Variants in ZNF616 observed in about 807,000 individuals in gnomAD.
ZNF616 encodes the protein zinc finger protein 616.
ZNF616 carries 5 observed loss-of-function variants against 7.6 expected under a neutral mutation model. That is an observed-to-expected ratio of 0.66 (90% CI 0.34 to 1.38). The LOEUF is 1.38. Among genes scored for constraint, ZNF616 ranks in the 40% most tolerant of loss-of-function variants. The probability of loss-of-function intolerance (pLI) is 0.04; values close to 1 mark genes in which losing one functional copy is unlikely to be tolerated. For synonymous variants in ZNF616, 319 were observed against 317.2 expected (o/e 1.01, Z -0.06); for missense variants, 913 against 948.3 (o/e 0.96, Z 0.49).
chr19:52,130,218 G>A (rs1856212332), intron 2 of ZNF616, among the ~76,000 whole-genome samples: 1 of 152,056 alleles, frequency 6.6e-6, no homozygotes, highest in Non-Finnish European at 1.5e-5. Context: ...TGATACCACG[G>A]GACCCTCACC....
intron 2 of ZNF616, among the ~76,000 whole-genome samples, 194 bp from the exon 3 acceptor site, chr19:52,124,243 G>A (rs1450880619): frequency 6.6e-6 from 1 of 152,160 alleles, no homozygotes; most frequent in African/African-American, 2.4e-5. Context: ...CTCTACATCA[G>A]TGTATAGTTC....
chr19:52,119,226 A>C (rs1164723990), intron 3 of ZNF616, among the ~76,000 whole-genome samples: 1 of 152,076 alleles, frequency 6.6e-6, no homozygotes, highest in East Asian at 1.9e-4. Flanking sequence ...AAAATACAAA[A>C]ATTAGCTGGG....
At position 52,115,377 on chromosome 19, in the gene ZNF616, C is replaced by A. The variant is rs765934151; in HGVS notation, c.1787G>T (p.Arg596Leu). 1 of 1,614,038 alleles carries A rather than the reference C, an allele frequency of 6.2e-7. No homozygotes were observed. Among genetic ancestry groups the A allele is most frequent in the Non-Finnish European group, 8.5e-7 (1 of 1,179,988 alleles). The change falls in exon 4 of 4, where the codon CGA (arginine) becomes CTA (leucine). Residue 596 changes from arginine (R) to leucine (L), a missense_variant. By Grantham distance (102) the Arg-to-Leu change is moderately radical (BLOSUM62 -2). Transcript: ENST00000600228. ...YSQYSHLVGH[R>L]RVHTGEKPYK... The stretch of plus-strand genomic sequence containing the variant: ...TGGTTTCTCTCCAGTATGAACTCTT[C>A]GATGCCCTACAAGATGTGAATACTG...
intron 2 of ZNF616, among the ~76,000 whole-genome samples, chr19:52,126,725 T>A (rs966619059): frequency 9.2e-5 from 14 of 151,950 alleles, no homozygotes; most frequent in Admixed American, 4.6e-4. Context: ...GTCGAGATCA[T>A]GCCACTGCAC....
In ZNF616 at chr19:52,113,456, T is replaced by C. The variant is rs2088788415; in HGVS notation, c.*1362A>G. ...AACTGCAAAGGCGTGGACATTGGTT[T>C]TGTCTCACTTTAAGTTCTGGGTACA... On this transcript the variant is annotated 3_prime_UTR_variant, in exon 4 of 4. Coordinates refer to ENST00000600228, the MANE Select transcript of ZNF616 (RefSeq NM_178523.5). 6.6e-6 allele frequency: 1 copy of C among 152,238 alleles called. No homozygotes were observed. The highest frequency in any genetic ancestry group is 2.4e-5 in the African/African-American group (1 of 41,462). 9.4% of individuals were successfully genotyped at this position (152,238 alleles called of 1,614,324 possible).
rs1388598099 is a variant in ZNF616 at position 52,115,617 on chromosome 19, G to A, written c.1547C>T (p.Thr516Ile). 6.2e-7 allele frequency: 1 copy of A among 1,613,540 alleles called. No individual in the cohort carries two copies. Among genetic ancestry groups the A allele is most frequent in the Admixed American group, 1.7e-5 (1 of 59,994 alleles). Reference protein sequence around the residue: ...SRLAVHRRIHTGEKPYKCKEC... With the variant: ...SRLAVHRRIHIGEKPYKCKEC... ...TTTGCATTTGTAAGGTTTCTCTCCA[G>A]TATGAATTCTCCGATGCACTGCAAG... Residue 516 changes from threonine to isoleucine, a missense_variant, in exon 4 of 4, where the codon ACT becomes ATT. Transcript: ENST00000600228.
At position 52,115,099 on chromosome 19, in the gene ZNF616, A is replaced by G; in HGVS notation, c.2065T>C (p.Tyr689His). ...HQIIHAGKKP[Y>H]KCDECGKVFR... ...ACCTTGCCACATTCATCACATTTAT[A>G]TGGTTTCTTTCCTGCATGAATTATC... The change falls in exon 4 of 4, where the codon TAT (tyrosine) becomes CAT (histidine). Residue 689 changes from tyrosine (Y) to histidine (H), a missense_variant. By Grantham distance (83) the Tyr-to-His change is moderately conservative (BLOSUM62 2). Transcript: ENST00000600228. The G allele has an allele frequency of 6.2e-7, 1 of 1,614,064 alleles. No homozygotes were observed. The highest frequency in any genetic ancestry group is 8.5e-7 in the Non-Finnish European group (1 of 1,180,002).
intron 3 of ZNF616, among the ~76,000 whole-genome samples, chr19:52,117,848 C>T (rs762993451): frequency 3.9e-5 from 6 of 152,110 alleles, no homozygotes; most frequent in Non-Finnish European, 8.8e-5. Flanking sequence ...AAGGTAAATA[C>T]ACAACATAAT....
At position 52,139,131 on chromosome 19, in the gene ZNF616, C is replaced by T. The variant is rs2089037343; in HGVS notation, c.-77+601G>A. On this transcript the variant is annotated intron_variant, in intron 1 of 3. Transcript: ENST00000600228. The surrounding 1 kb of genome is among the most constrained non-coding windows in gnomAD (Gnocchi z 4.1). ...ATTCTTTTCTCCCCAGTTTTTCTTT[C>T]TGTCCCGTCGCTCCCCCTCTTTTCC... 6.6e-6 allele frequency among the ~76,000 whole-genome samples: 1 copy of T among 152,150 alleles called. No homozygotes were observed. Among genetic ancestry groups the T allele is most frequent in the Non-Finnish European group, 1.5e-5 (1 of 68,030 alleles).
Position 52,124,911 on chromosome 19 carries a change from A to G in ZNF616, c.13-862T>C, listed in dbSNP as rs73937275. On this transcript the variant is annotated intron_variant, in intron 2 of 3. Coordinates refer to ENST00000600228, the MANE Select transcript of ZNF616 (RefSeq NM_178523.5). ...TGCTGTGTCCCCACGTGGCAGAAGG[A>G]ACAGAAGGGCCAAAAAGCAGTGAAC... is the stretch of plus-strand genomic sequence containing the variant. Among the ~76,000 whole-genome samples the G allele has an allele frequency of 9.3e-3, 1,415 of 152,182 alleles. 29 individuals carry two copies. The highest frequency in any genetic ancestry group is 0.032 in the African/African-American group (1,336 of 41,518).
chr19:52,128,486 T>G (rs996734752), intron 2 of ZNF616, among the ~76,000 whole-genome samples: 1 of 152,204 alleles, frequency 6.6e-6, no homozygotes, highest in Non-Finnish European at 1.5e-5. Context: ...CTCATGCCTG[T>G]AATCCCAGCA....
chr19:52,124,244 T>C (rs1568560533), intron 2 of ZNF616, among the ~76,000 whole-genome samples, 195 bp from the exon 3 acceptor site: 1 of 152,252 alleles, frequency 6.6e-6, no homozygotes, highest in Non-Finnish European at 1.5e-5. Context: ...TCTACATCAG[T>C]GTATAGTTCT....
intron 1 of ZNF616, among the ~76,000 whole-genome samples, chr19:52,137,053 G>GTATATATATATATATATATATATATATA (rs35226169): frequency 7.0e-5 from 10 of 143,738 alleles, no homozygotes; most frequent in African/African-American, 2.3e-4. Flanking sequence ...TTATGTATGT[G>GTATATATATATATATATATATATATATA]TATATATATA....
chr19:52,116,586 G>A lies in ZNF616; in HGVS notation c.578C>T (p.Ala193Val). ...AATAAGGCTGGAAGACGCTTTAAAGGCTTTGCCACATTCATTACATACATA... is the reference window on the plus strand; with the variant it reads ...AATAAGGCTGGAAGACGCTTTAAAGACTTTGCCACATTCATTACATACATA... ...KTYVCNECGK[A>V]FKASSSLINH... The change falls in exon 4 of 4, where the codon GCC becomes GTC. Residue 193 changes from alanine to valine, a missense_variant. Ala to Val is a moderately conservative substitution (Grantham distance 64, BLOSUM62 0). Transcript: ENST00000600228. 6.2e-7 allele frequency: 1 copy of A among 1,614,036 alleles called. No individual in the cohort carries two copies. The highest frequency in any genetic ancestry group is 8.5e-7 in the Non-Finnish European group (1 of 1,179,996).
chr19:52,124,851 G>T (rs1184225705), intron 2 of ZNF616, among the ~76,000 whole-genome samples: 1 of 152,176 alleles, frequency 6.6e-6, no homozygotes, highest in Admixed American at 6.6e-5. Context: ...CTGCTTCCAA[G>T]ATGGTGTCTT....
At chr19:52,125,828 A>T (rs2088902024) in intron 2 of ZNF616, among the ~76,000 whole-genome samples, 1 of 152,222 alleles carries the variant, frequency 6.6e-6, no homozygotes. Context: ...GCAAAAAGAT[A>T]ACTGACGTAA....
chr19:52,133,423 T>C (rs557502272), intron 1 of ZNF616, among the ~76,000 whole-genome samples: 7 of 152,170 alleles, frequency 4.6e-5, no homozygotes, highest in East Asian at 1.9e-4. Context: ...TTTTAACTTA[T>C]ATTTTAAGTT....
chr19:52,129,839 A>T (rs2088942266), intron 2 of ZNF616, among the ~76,000 whole-genome samples: 1 of 150,828 alleles, frequency 6.6e-6, no homozygotes, highest in East Asian at 2.0e-4. Context: ...GCTGGGGTGC[A>T]GTGGCACCAT....
chr19:52,117,045 G>A (rs1284209722), intron 3 of ZNF616, 21 bp from the exon 4 acceptor site: 3 of 1,523,690 alleles, frequency 2.0e-6, no homozygotes, highest in East Asian at 2.3e-5. Context: ...TAATGAACAT[G>A]AGTTTTTTTT....
Sources: allele counts gnomAD v4.1 joint callset (sites outside exome capture counted in the v4.1 genomes callset), GRCh38; gene constraint gnomAD v4.1.1; non-coding constraint Gnocchi (gnomAD v3.1); transcripts MANE v1.5; gene names NCBI Gene and HGNC (gene_info 2026-07-23, HGNC 2026-07-21).